JHY: variants seen among roughly 807,000 people sequenced by gnomAD.
JHY encodes jhy protein homolog.
A neutral mutation model predicts 78.0 loss-of-function variants in JHY; 69 were observed. The observed-to-expected ratio is 0.88, with a 90% CI of 0.73 to 1.08. The LOEUF (loss-of-function observed/expected upper bound fraction) is 1.08, where lower values mean the gene tolerates loss of function less well. Among genes scored for constraint, JHY ranks in the 50% least tolerant of loss-of-function variants. JHY has a pLI of 0.00. For missense variants in JHY, 944 were observed against 927.8 expected, an observed-to-expected ratio of 1.02 and a Z score of -0.23; for synonymous variants, 368 against 342.6, an observed-to-expected ratio of 1.07 and a Z score of -0.82.
chr11:122,913,684 A>AAAGGCTTT (rs1591379093), intron 3 of JHY, among the ~76,000 whole-genome samples: 1 of 152,178 alleles, frequency 6.6e-6, no homozygotes, highest in East Asian at 1.9e-4. Context: ...CTGCCTTTGT[A>AAAGGCTTT]AAGGCTTTCT....
At chr11:122,931,600 A>T (rs1863638142) in intron 4 of JHY, among the ~76,000 whole-genome samples, 1 of 152,240 alleles carries the variant, frequency 6.6e-6, no homozygotes, top group Non-Finnish European at 1.5e-5. Context: ...GTTCATAAAC[A>T]CAGCAGAAAA....
chr11:122,929,239 TG>T (rs59712666), intron 4 of JHY, among the ~76,000 whole-genome samples: 37,848 of 149,778 alleles, frequency 0.25, 5,059 homozygotes, highest in Middle Eastern at 0.33. Context: ...GGTTGTTTTT[TG>T]TTTTTTTTTT....
chr11:122,933,081 A>G (rs1863670401), intron 4 of JHY, among the ~76,000 whole-genome samples: 1 of 152,232 alleles, frequency 6.6e-6, no homozygotes, highest in East Asian at 1.9e-4. Context: ...TTATCATTAT[A>G]ATGTGATTTC....
chr11:122,933,552 G>A (rs1863679505), intron 4 of JHY, among the ~76,000 whole-genome samples: 1 of 152,198 alleles, frequency 6.6e-6, no homozygotes, highest in South Asian at 2.1e-4. Flanking sequence ...CATAAAGACT[G>A]TTGTGAAATT....
chr11:122,901,270 A>C (rs1425872388), intron 2 of JHY, among the ~76,000 whole-genome samples: 3 of 152,236 alleles, frequency 2.0e-5, no homozygotes. Flanking sequence ...TGGAGGTTGT[A>C]GGACTGTACA....
intron 3 of JHY, among the ~76,000 whole-genome samples, chr11:122,919,985 C>T (rs1052165829): frequency 3.9e-5 from 6 of 152,106 alleles, no homozygotes; most frequent in African/African-American, 1.2e-4. Context: ...ATAATACAAA[C>T]CTTTGGATAA....
At chr11:122,910,764 C>T (rs1177080846) in intron 3 of JHY, among the ~76,000 whole-genome samples, 3 of 152,140 alleles carry the variant, frequency 2.0e-5, no homozygotes, top group Admixed American at 6.5e-5. Context: ...GATTGCTAAC[C>T]TCCTAAATTG....
chr11:122,923,883 ATTTTTTTTTTTTT>A (rs760512913), intron 3 of JHY, among the ~76,000 whole-genome samples: 4 of 100,516 alleles, frequency 4.0e-5, no homozygotes, highest in East Asian at 2.9e-4. Context: ...CGCCTGGCTA[ATTTTTTTTTTTTT>A]TTTTTTTTTT....
At position 122,946,726 on chromosome 11, in the gene JHY, C is replaced by A; in HGVS notation, c.1863C>A (p.Ser621Arg). The A allele has an allele frequency of 6.2e-7, 1 of 1,613,868 alleles. No individual in the cohort carries two copies. The highest frequency in any genetic ancestry group is 8.5e-7 in the Non-Finnish European group (1 of 1,179,932). ...GAAACCAAGTGAAAATTAGCCGTAG[C>A]AATTCTGAAGGCTATCTGTTTCAAC... is the stretch of plus-strand genomic sequence containing the variant. Reference protein sequence around the residue: ...SQRNQVKISRSNSEGYLFQLE... With the variant: ...SQRNQVKISRRNSEGYLFQLE... The change falls in exon 6 of 9, where the codon AGC becomes AGA. Residue 621 changes from serine (S) to arginine (R), a missense_variant. By Grantham distance (110) the Ser-to-Arg change is moderately radical. Coordinates refer to ENST00000227349, the MANE Select transcript of JHY (RefSeq NM_024806.4).
chr11:122,887,678 C>T (rs537702932), intron 2 of JHY, among the ~76,000 whole-genome samples: 98 of 151,848 alleles, frequency 6.5e-4, no homozygotes, highest in Non-Finnish European at 1.3e-3. Context: ...ATTGGAAGGC[C>T]TAGAACTTGG....
chr11:122,941,136 T>G (rs956329656), intron 5 of JHY, among the ~76,000 whole-genome samples: 3 of 152,184 alleles, frequency 2.0e-5, no homozygotes, highest in African/African-American at 7.2e-5. Flanking sequence ...AAACCCTAAT[T>G]CTTTTTAGTA....
chr11:122,941,860 TTTTAG>T (rs1451017254), intron 5 of JHY, among the ~76,000 whole-genome samples: 10 of 152,032 alleles, frequency 6.6e-5, no homozygotes, highest in Non-Finnish European at 1.0e-4. Context: ...TTGTTGTTTG[TTTTAG>T]TTTATTTATT....
Position 122,946,518 on chromosome 11 carries a change from AC to A in JHY, c.1656del (p.Asp552GlufsTer16). On this transcript the variant is annotated frameshift_variant, in exon 6 of 9. Coordinates refer to ENST00000227349, the MANE Select transcript of JHY (RefSeq NM_024806.4). LOFTEE classifies it high-confidence loss of function. ...TTAAGGAAATTCCATTCTTCTTCTG[AC>A]AGCCAGACGGTTAGAGCTTCTCCAG... ...EMLWKFHSSSDSQTVRASPDS... is the reference protein window; with the variant it reads ...EMLWKFHSSSXSQTVRASPDS... The A allele has an allele frequency of 6.4e-7, 1 of 1,574,332 alleles. No individual in the cohort carries two copies. Among genetic ancestry groups the A allele is most frequent in the South Asian group, 1.2e-5 (1 of 85,038 alleles).
At chr11:122,954,229 T>C (rs760144830) in intron 6 of JHY, among the ~76,000 whole-genome samples, 7 of 152,206 alleles carry the variant, frequency 4.6e-5, no homozygotes, top group Non-Finnish European at 8.8e-5. Flanking sequence ...GCTCCAGGAA[T>C]CACATCCTTA....
At chr11:122,895,202 A>C (rs1862713768) in intron 2 of JHY, among the ~76,000 whole-genome samples, 1 of 152,268 alleles carries the variant, frequency 6.6e-6, no homozygotes, top group African/African-American at 2.4e-5. Context: ...CATATGCATA[A>C]AAGATTTAAT....
intron 3 of JHY, among the ~76,000 whole-genome samples, chr11:122,906,237 G>T (rs935039012): frequency 2.0e-5 from 3 of 152,124 alleles, no homozygotes; most frequent in African/African-American, 7.2e-5. Flanking sequence ...ACCCAAGCTG[G>T]AATGCAATCG....
At chr11:122,903,613 G>C (rs556670411) in intron 2 of JHY, among the ~76,000 whole-genome samples, 131 of 152,074 alleles carry the variant, frequency 8.6e-4, no homozygotes, top group Admixed American at 1.4e-3. Context: ...TGAGTAGCTG[G>C]GACTACAGGT....
chr11:122,887,993 GC>G (rs61641976), intron 2 of JHY, among the ~76,000 whole-genome samples: 20,175 of 151,990 alleles, frequency 0.13, 1,564 homozygotes, highest in African/African-American at 0.2. Flanking sequence ...GAGAAGTAGA[GC>G]CCGGTCCTGA....
Position 122,898,512 on chromosome 11 carries a change from A to G in JHY, c.345-5413A>G. 6.6e-6 allele frequency among the ~76,000 whole-genome samples: 1 copy of G among 152,118 alleles called. No homozygotes were observed. The highest frequency in any genetic ancestry group is 1.9e-4 in the East Asian group (1 of 5,194). ...AAAAAAAACTGAAGACTCACAACAA[A>G]CATTCCCTAGATCATCAAACAGTAA... On this transcript the variant is annotated intron_variant, in intron 2 of 8. Transcript: ENST00000227349. This position sits in a 1 kb window ranked among gnomAD's most constrained non-coding sequence, Gnocchi z 4.4.
Sources: allele counts gnomAD v4.1 joint callset (sites outside exome capture counted in the v4.1 genomes callset), GRCh38; gene constraint gnomAD v4.1.1; non-coding constraint Gnocchi (gnomAD v3.1); transcripts MANE v1.5; gene names NCBI Gene and HGNC (gene_info 2026-07-23, HGNC 2026-07-21).